Variants in ANXA8 observed in about 807,000 individuals in gnomAD.
The protein encoded by ANXA8 is VAC-beta.
ANXA8 carries 9 observed loss-of-function variants against 26.8 expected under a neutral mutation model. The ratio of observed to expected loss-of-function variants is 0.34; its 90% CI spans 0.20 to 0.59. ANXA8 has a LOEUF of 0.59. Among genes scored for constraint, ANXA8 ranks in the 20% least tolerant of loss-of-function variants. The pLI is 0.84. For synonymous variants in ANXA8, 39 were observed against 94.8 expected (o/e 0.41, Z 3.42); for missense variants, 83 against 238.5 (o/e 0.35, Z 4.29).
At chr10:47,656,120 G>C in the ANXA8 span, among the ~76,000 whole-genome samples, 8 of 151,486 alleles carry the variant, frequency 5.3e-5, no homozygotes, top group African/African-American at 1.7e-4. Flanking sequence ...TTTTAGGCTG[G>C]GTGTGGTGGC....
the ANXA8 span, among the ~76,000 whole-genome samples, chr10:47,950,321 A>G: frequency 3.3e-5 from 5 of 152,284 alleles, no homozygotes; most frequent in African/African-American, 9.6e-5. Flanking sequence ...CTTGTTTCTC[A>G]GTAACTTATA....
the ANXA8 span, among the ~76,000 whole-genome samples, chr10:47,525,954 G>A: frequency 2.4e-4 from 33 of 135,614 alleles, 2 homozygotes; most frequent in Middle Eastern, 3.8e-3. Context: ...GCAGGCATGC[G>A]TCACCATGCC....
At chr10:47,495,339 G>T in the ANXA8 span, among the ~76,000 whole-genome samples, 1 of 148,022 alleles carries the variant, frequency 6.8e-6, no homozygotes, top group Admixed American at 6.8e-5. Flanking sequence ...AGGCTGAAGT[G>T]CAGTAGCATG....
chr10:47,704,861 A>G, the ANXA8 span, among the ~76,000 whole-genome samples: 1 of 152,064 alleles, frequency 6.6e-6, no homozygotes, highest in Non-Finnish European at 1.5e-5. Flanking sequence ...AAGAAAAACT[A>G]ACAAAGAATG....
At chr10:47,939,586 A>AG in the ANXA8 span, among the ~76,000 whole-genome samples, 4 of 145,256 alleles carry the variant, frequency 2.8e-5, no homozygotes, top group African/African-American at 1.1e-4. Context: ...GTCTACCTGC[A>AG]GGCTGGACGC....
chr10:47,495,125 C>A, the ANXA8 span, among the ~76,000 whole-genome samples: 2 of 144,434 alleles, frequency 1.4e-5, no homozygotes, highest in Non-Finnish European at 2.9e-5. Flanking sequence ...TAGGGCCAGA[C>A]AGTGAGGCAC....
the ANXA8 span, among the ~76,000 whole-genome samples, chr10:47,584,165 G>A: frequency 3.3e-5 from 5 of 149,332 alleles, no homozygotes; most frequent in Non-Finnish European, 5.9e-5. Context: ...GGCGAGAGGA[G>A]ACCCTGTCTC....
chr10:47,969,134 G>A, the ANXA8 span, among the ~76,000 whole-genome samples: 2 of 150,948 alleles, frequency 1.3e-5, no homozygotes, highest in Non-Finnish European at 3.0e-5. Flanking sequence ...TGGAGAGGAA[G>A]TTGTGAGAGA....
upstream of ANXA8, among the ~76,000 whole-genome samples, chr10:47,488,792 A>G (rs1475483732): frequency 8.2e-6 from 1 of 122,276 alleles, no homozygotes; most frequent in African/African-American, 3.3e-5. Flanking sequence ...CAGTGTCGCG[A>G]TCTCGGCTCA....
chr10:47,549,997 G>A, the ANXA8 span, among the ~76,000 whole-genome samples: 13 of 151,620 alleles, frequency 8.6e-5, no homozygotes, highest in Non-Finnish European at 1.6e-4. Flanking sequence ...AGGCATGGTG[G>A]CATACACTAC....
chr10:47,616,255 T>C, the ANXA8 span, among the ~76,000 whole-genome samples: 8 of 71,454 alleles, frequency 1.1e-4, no homozygotes, highest in East Asian at 8.4e-4. Context: ...TTTTTAATAA[T>C]CTGATCTTTT....
At chr10:47,538,364 AAAC>A in the ANXA8 span, 14 of 85,420 alleles carry the variant, frequency 1.6e-4, no homozygotes, top group African/African-American at 4.7e-4. Flanking sequence ...TCTCAAAAAA[AAAC>A]AACAACAACT....
At chr10:47,671,099 A>ATAGCTTTTTT in the ANXA8 span, among the ~76,000 whole-genome samples, 3 of 151,970 alleles carry the variant, frequency 2.0e-5, no homozygotes, top group Non-Finnish European at 2.9e-5. Context: ...ATTTTTAACC[A>ATAGCTTTTTT]TGATAATGTA....
chr10:47,644,628 G>A, the ANXA8 span, among the ~76,000 whole-genome samples: 1 of 151,936 alleles, frequency 6.6e-6, no homozygotes, highest in African/African-American at 2.4e-5. Flanking sequence ...TTGTCATTAC[G>A]TGTGTGTGGT....
At chr10:47,695,753 T>C in the ANXA8 span, among the ~76,000 whole-genome samples, 2 of 151,798 alleles carry the variant, frequency 1.3e-5, 1 homozygote, top group African/African-American at 4.8e-5. Context: ...TCCCTTCCCC[T>C]CTTTCTCTTT....
the ANXA8 span, among the ~76,000 whole-genome samples, chr10:47,916,629 G>A: frequency 1.5e-5 from 2 of 136,770 alleles, no homozygotes; most frequent in Admixed American, 1.4e-4. Context: ...CATGAGGATG[G>A]ACTAAGGGCA....
chr10:47,660,346 T>C, the ANXA8 span, among the ~76,000 whole-genome samples: 1 of 150,940 alleles, frequency 6.6e-6, no homozygotes. Flanking sequence ...GTGACTGAAT[T>C]TGGCCTTGCC....
the ANXA8 span, among the ~76,000 whole-genome samples, chr10:47,748,135 A>G: frequency 1.3e-5 from 2 of 152,026 alleles, no homozygotes; most frequent in African/African-American, 4.8e-5. Context: ...AGAACTTTCC[A>G]AAACTGATAA....
At chr10:47,772,013 G>T in the ANXA8 span, among the ~76,000 whole-genome samples, 6 of 151,718 alleles carry the variant, frequency 4.0e-5, no homozygotes, top group Non-Finnish European at 8.8e-5. Context: ...GCTCTAAGAT[G>T]TCATTGATTG....
Sources: gnomAD v4.1 joint callset for allele counts (sites outside exome capture counted in the v4.1 genomes callset) on GRCh38, gnomAD v4.1.1 for gene constraint, MANE v1.5 for transcripts, NCBI Gene and HGNC (gene_info 2026-07-23, HGNC 2026-07-21) for gene names.